PRKG1: variants seen among roughly 807,000 people sequenced by gnomAD.
The protein encoded by PRKG1 is cGMP-dependent protein kinase 1.
A neutral mutation model predicts 88.1 loss-of-function variants in PRKG1; 35 were observed. The ratio of observed to expected loss-of-function variants is 0.40; its 90% CI spans 0.30 to 0.53. The LOEUF (loss-of-function observed/expected upper bound fraction) is 0.53, where lower values mean the gene tolerates loss of function less well. Among genes scored for constraint, PRKG1 ranks in the 20% least tolerant of loss-of-function variants. PRKG1 has a pLI of 0.59. For missense variants in PRKG1, 540 were observed against 839.8 expected (o/e 0.64, Z 4.41); for synonymous variants, 303 against 292.5 (o/e 1.04, Z -0.37).
intron 3 of PRKG1, among the ~76,000 whole-genome samples, chr10:51,657,014 T>C (rs892485268): frequency 1.3e-5 from 2 of 152,174 alleles, no homozygotes; most frequent in African/African-American, 4.8e-5. Context: ...AAAAGAAGGA[T>C]ACTGATAACT....
intron 10 of PRKG1, among the ~76,000 whole-genome samples, chr10:52,261,186 T>A (rs1206472505): frequency 6.6e-6 from 1 of 151,920 alleles, no homozygotes; most frequent in Non-Finnish European, 1.5e-5. Flanking sequence ...TTTTGATAAA[T>A]TTAAACTTAA....
chr10:51,362,335 A>C (rs1029696316), intron 2 of PRKG1, among the ~76,000 whole-genome samples: 1 of 151,838 alleles, frequency 6.6e-6, no homozygotes, highest in Non-Finnish European at 1.5e-5. Context: ...AAAGTGTATG[A>C]CTTTTCCAGG....
intron 10 of PRKG1, among the ~76,000 whole-genome samples, chr10:52,268,165 C>G (rs80318665): frequency 0.029 from 4,479 of 152,058 alleles, 294 homozygotes; most frequent in East Asian, 0.23. Flanking sequence ...TGTATAGAGT[C>G]CAAAGAAGGA....
At chr10:52,223,438 AT>A (rs1840302085) in intron 9 of PRKG1, among the ~76,000 whole-genome samples, 2 of 152,048 alleles carry the variant, frequency 1.3e-5, no homozygotes, top group Admixed American at 6.6e-5. Flanking sequence ...TTTCTTTCCC[AT>A]TAGCTGTTCC....
At chr10:51,192,897 T>C (rs1284153109) in intron 2 of PRKG1, among the ~76,000 whole-genome samples, 1 of 152,012 alleles carries the variant, frequency 6.6e-6, no homozygotes, top group Non-Finnish European at 1.5e-5. Flanking sequence ...GTCTTGTTTA[T>C]TTATTGAGCA....
At chr10:51,768,455 C>A (rs1564639273) in intron 3 of PRKG1, among the ~76,000 whole-genome samples, 1 of 151,948 alleles carries the variant, frequency 6.6e-6, no homozygotes, top group Non-Finnish European at 1.5e-5. Flanking sequence ...CACATAGAGA[C>A]AAAAAACATA....
chr10:51,552,559 G>T (rs1002689453), intron 3 of PRKG1, among the ~76,000 whole-genome samples: 1 of 151,454 alleles, frequency 6.6e-6, no homozygotes, highest in Admixed American at 6.6e-5. Context: ...AAACAAATAA[G>T]TTTCTTCTTA....
intron 2 of PRKG1, among the ~76,000 whole-genome samples, chr10:51,165,667 C>T (rs1389206138): frequency 1.3e-5 from 2 of 152,104 alleles, no homozygotes; most frequent in African/African-American, 4.8e-5. Flanking sequence ...CGTGCAGTGA[C>T]ACACATAGGC....
At chr10:51,452,836 A>G (rs533500024) in intron 2 of PRKG1, among the ~76,000 whole-genome samples, 3 of 151,968 alleles carry the variant, frequency 2.0e-5, no homozygotes, top group Non-Finnish European at 4.4e-5. Flanking sequence ...TCCTCTTTCT[A>G]TATGTTTTGT....
rs191807840 is a variant in PRKG1 at position 51,966,102 on chromosome 10, A to G, written c.762+58532A>G. 2.2e-4 allele frequency among the ~76,000 whole-genome samples: 34 copies of G among 152,316 alleles called. No homozygotes were observed. The East Asian group carries it at 4.6e-3, about 21-fold the overall frequency. On this transcript the variant is annotated intron_variant, in intron 5 of 17. Transcript: ENST00000373980. ...TTTTTAATTTTAATTTTGCATTAAT[A>G]TATGTGAATGTATTTTATATTTTAA...
At chr10:51,208,550 G>T (rs1306191875) in intron 2 of PRKG1, among the ~76,000 whole-genome samples, 1 of 152,154 alleles carries the variant, frequency 6.6e-6, no homozygotes, top group African/African-American at 2.4e-5. Flanking sequence ...GGTTAGGGGA[G>T]TTCAGAAATG....
At chr10:51,767,484 C>T (rs1014052840) in intron 3 of PRKG1, among the ~76,000 whole-genome samples, 1 of 152,156 alleles carries the variant, frequency 6.6e-6, no homozygotes, top group Non-Finnish European at 1.5e-5. Flanking sequence ...AGTCTCTTCT[C>T]TAATGATTGC....
chr10:52,062,739 A>C (rs374089094), intron 7 of PRKG1, 108 bp downstream of exon 7: 2 of 781,486 alleles, frequency 2.6e-6, no homozygotes. Flanking sequence ...GCTTATCTCA[A>C]TATCAAATAT....
At chr10:51,769,689 C>G (rs755397771) in intron 3 of PRKG1, among the ~76,000 whole-genome samples, 63 of 152,050 alleles carry the variant, frequency 4.1e-4, no homozygotes, top group Non-Finnish European at 7.6e-4. Context: ...ATATGGCAAG[C>G]TGGCTTACTA....
At chr10:51,141,342 C>A (rs1845815512) in intron 1 of PRKG1, among the ~76,000 whole-genome samples, 1 of 152,148 alleles carries the variant, frequency 6.6e-6, no homozygotes, top group African/African-American at 2.4e-5. Flanking sequence ...TTCTTTTTGT[C>A]CTCCTGTCAG....
At chr10:51,138,662 G>T (rs1780110079) in intron 1 of PRKG1, among the ~76,000 whole-genome samples, 1 of 138,688 alleles carries the variant, frequency 7.2e-6, no homozygotes, top group East Asian at 2.2e-4. Flanking sequence ...AGTCTTTTTG[G>T]ACATTGAGTT....
chr10:52,052,776 A>C (rs1846021689), intron 5 of PRKG1, among the ~76,000 whole-genome samples: 1 of 152,118 alleles, frequency 6.6e-6, no homozygotes, highest in Non-Finnish European at 1.5e-5. Flanking sequence ...ATCTCCCACC[A>C]GGTCCCTCCT....
chr10:51,259,565 C>T (rs1274646579), intron 2 of PRKG1, among the ~76,000 whole-genome samples: 1 of 152,186 alleles, frequency 6.6e-6, no homozygotes, highest in Non-Finnish European at 1.5e-5. Context: ...CCTCTGCCTC[C>T]TGGGTTCAAG....
intron 1 of PRKG1, among the ~76,000 whole-genome samples, chr10:51,137,071 G>C (rs925029143): frequency 4.6e-5 from 7 of 152,022 alleles, no homozygotes; most frequent in African/African-American, 1.7e-4. Context: ...GTTTTTGGTA[G>C]AGACGGGGTT....
Sources: allele counts gnomAD v4.1 joint callset (sites outside exome capture counted in the v4.1 genomes callset), GRCh38; gene constraint gnomAD v4.1.1; transcripts MANE v1.5; gene names NCBI Gene and HGNC (gene_info 2026-07-23, HGNC 2026-07-21).